Variants in CETN3 observed in about 807,000 individuals in gnomAD.
The protein encoded by CETN3 is centrin 3, also known as centrin-3.
CETN3 carries 17 observed loss-of-function variants against 20.1 expected under a neutral mutation model. That is an observed-to-expected ratio of 0.85 (90% CI 0.58 to 1.27). CETN3 has a LOEUF of 1.27. CETN3 is among the 50% of genes most tolerant of loss of function. The pLI is 0.00. For missense variants in CETN3, 169 were observed against 191.2 expected, an observed-to-expected ratio of 0.88 and a Z score of 0.69; for synonymous variants, 52 against 59.7, an observed-to-expected ratio of 0.87 and a Z score of 0.59.
At position 90,407,693 on chromosome 5, in the gene CETN3, C is replaced by G; in HGVS notation, c.153+6G>C. ...CAGAAACAAATATTTTAAAGTATAC[C>G]ATTACCTTTAATTCATGATAATCTA... is the stretch of plus-strand genomic sequence containing the variant. On this transcript the variant is annotated splice_donor_region_variant and intron_variant, in intron 2 of 4. Transcript: ENST00000283122. 6.7e-7 allele frequency: 1 copy of G among 1,482,780 alleles called. No individual in the cohort carries two copies. Among genetic ancestry groups the G allele is most frequent in the Non-Finnish European group, 9.1e-7 (1 of 1,096,246 alleles). The allele number at this position is 1,482,780 out of a possible 1,614,324, so 91.9% of individuals were successfully genotyped here. A position where few individuals can be genotyped will look rare whatever the true frequency, so the allele number is the denominator to read the frequency against.
intron 3 of CETN3, among the ~76,000 whole-genome samples, chr5:90,402,956 A>C (rs1184361592): frequency 6.6e-6 from 1 of 152,236 alleles, no homozygotes; most frequent in Non-Finnish European, 1.5e-5. Context: ...GAAGACAATA[A>C]TACAGTATTA....
At chr5:90,407,338 G>A (rs184750432) in intron 2 of CETN3, among the ~76,000 whole-genome samples, 6 of 152,098 alleles carry the variant, frequency 3.9e-5, no homozygotes, top group African/African-American at 1.4e-4. Flanking sequence ...CCCACAGTCT[G>A]AAAACAGTAT....
Position 90,404,824 on chromosome 5 carries a change from A to G in CETN3, c.268+861T>C, listed in dbSNP as rs148540029. ...GTTTCCAAATTTTTAAAATATCTTA[A>G]AATACTTATATGATGTGCTTATATC... On this transcript the variant is annotated intron_variant, in intron 3 of 4. Coordinates refer to ENST00000283122, the MANE Select transcript of CETN3 (RefSeq NM_004365.4). Among the ~76,000 whole-genome samples, 370 of 152,156 alleles carry G rather than the reference A, an allele frequency of 2.4e-3. 3 individuals are homozygous for G. Among genetic ancestry groups the G allele is most frequent in the African/African-American group, 8.3e-3 (344 of 41,538 alleles).
At chr5:90,397,351 C>T (rs952988270) in intron 4 of CETN3, among the ~76,000 whole-genome samples, 8 of 152,114 alleles carry the variant, frequency 5.3e-5, no homozygotes, top group Admixed American at 2.6e-4. Context: ...AAATCTACCA[C>T]AATGCCTAGC....
chr5:90,404,977 T>G (rs1246943089), intron 3 of CETN3, among the ~76,000 whole-genome samples: 1 of 152,188 alleles, frequency 6.6e-6, no homozygotes, highest in Non-Finnish European at 1.5e-5. Flanking sequence ...GACTCTTCTA[T>G]TTTGAAAAAG....
chr5:90,397,931 A>G (rs1749174493), intron 4 of CETN3, among the ~76,000 whole-genome samples: 1 of 152,142 alleles, frequency 6.6e-6, no homozygotes, highest in African/African-American at 2.4e-5. Flanking sequence ...AATATCCAAT[A>G]TAGTAGCTGC....
At chr5:90,403,959 G>C (rs1749370815) in intron 3 of CETN3, among the ~76,000 whole-genome samples, 1 of 148,990 alleles carries the variant, frequency 6.7e-6, no homozygotes, top group African/African-American at 2.5e-5. Flanking sequence ...AAAATTATTA[G>C]TGATGATACA....
intron 2 of CETN3, among the ~76,000 whole-genome samples, chr5:90,406,840 C>CAA (rs762527758): frequency 0.02 from 1,218 of 61,192 alleles, 39 homozygotes; most frequent in Non-Finnish European, 0.025. Flanking sequence ...TCTGGGTAAC[C>CAA]AAAAAAAAAA....
intron 4 of CETN3, among the ~76,000 whole-genome samples, chr5:90,394,906 C>T (rs1418509057): frequency 1.3e-5 from 2 of 152,038 alleles, no homozygotes; most frequent in African/African-American, 4.8e-5. Flanking sequence ...GACATATGCG[C>T]ACGTATCAAT....
Position 90,407,613 on chromosome 5 carries a change from T to C in CETN3, c.153+86A>G, listed in dbSNP as rs79710739. The C allele has an allele frequency of 3.1e-3, 3,042 of 981,140 alleles. 55 individuals carry two copies. In the African/African-American group the frequency reaches 0.046, roughly 15 times the overall value. 60.8% of individuals were successfully genotyped at this position (981,140 alleles called of 1,614,324 possible). On this transcript the variant is annotated intron_variant, in intron 2 of 4. Transcript: ENST00000283122. ...AGTTCCAAAACCAATTTAGTTAAAA[T>C]AATTATTTAGAAATGTAATGTAAAG...
chr5:90,401,558 C>T (rs1454686106), intron 3 of CETN3, among the ~76,000 whole-genome samples: 2 of 152,040 alleles, frequency 1.3e-5, no homozygotes, highest in African/African-American at 2.4e-5. Context: ...ACGGCAAATC[C>T]AAAAACATCA....
At chr5:90,409,577 T>G in intron 1 of CETN3, 68 bp downstream of exon 1, 1 of 1,591,498 alleles carries the variant, frequency 6.3e-7, no homozygotes, top group Non-Finnish European at 8.6e-7. Context: ...ACGTCCTCCC[T>G]TCCACACACA....
intron 1 of CETN3, 30 bp from the exon 2 acceptor site, chr5:90,407,864 C>T: frequency 6.5e-7 from 1 of 1,533,306 alleles, no homozygotes; most frequent in Non-Finnish European, 8.7e-7. Flanking sequence ...AGCCCTTAGT[C>T]CACTTTAATT....
chr5:90,405,805 G>A lies in CETN3; in HGVS notation c.154-6C>T. 1.3e-6 allele frequency: 2 copies of A among 1,561,018 alleles called. No homozygotes were observed. The highest frequency in any genetic ancestry group is 1.8e-6 in the Non-Finnish European group (2 of 1,142,656). Reference sequence around the variant, plus strand: ...CCCAAGGCTCTCATTGCCACCTTTTGGATTAAAAAGGAAAAGCAAATTATA... The same window carrying A: ...CCCAAGGCTCTCATTGCCACCTTTTAGATTAAAAAGGAAAAGCAAATTATA... On this transcript the variant is annotated splice_polypyrimidine_tract_variant and splice_region_variant and intron_variant, in intron 2 of 4. Coordinates refer to ENST00000283122, the MANE Select transcript of CETN3 (RefSeq NM_004365.4).
At chr5:90,399,604 C>A in intron 3 of CETN3, 55 bp from the exon 4 acceptor site, 2 of 1,369,808 alleles carry the variant, frequency 1.5e-6, no homozygotes, top group South Asian at 1.2e-5. Flanking sequence ...CAAAGGCATT[C>A]ATTTGTGAAA....
intron 4 of CETN3, chr5:90,396,608 AT>A: frequency 1.5e-6 from 2 of 1,353,490 alleles, no homozygotes; most frequent in Non-Finnish European, 2.0e-6. Context: ...GAATGATTTG[AT>A]TACAAATCAT....
intron 4 of CETN3, chr5:90,398,991 C>A: frequency 2.9e-6 from 1 of 348,588 alleles, no homozygotes; most frequent in East Asian, 5.6e-5. Context: ...AAATTAGGGC[C>A]TGAACTAGGA....
intron 4 of CETN3, chr5:90,396,625 C>T: frequency 1.8e-6 from 2 of 1,127,920 alleles, no homozygotes; most frequent in South Asian, 1.7e-5. Flanking sequence ...ATCATTTTAA[C>T]AGTGTAATAC....
intron 4 of CETN3, chr5:90,395,821 A>T: frequency 1.2e-6 from 1 of 859,286 alleles, no homozygotes; most frequent in South Asian, 5.4e-5. Context: ...GTTAGAAAAA[A>T]TTAACCAATT....
Sources: gnomAD v4.1 joint callset for allele counts (sites outside exome capture counted in the v4.1 genomes callset) on GRCh38, gnomAD v4.1.1 for gene constraint, MANE v1.5 for transcripts, NCBI Gene and HGNC (gene_info 2026-07-23, HGNC 2026-07-21) for gene names.